The following GRM7 variants were observed in gnomAD, a reference collection of about 807,000 sequenced individuals.
GRM7 encodes the protein metabotropic glutamate receptor 7.
A neutral mutation model predicts 84.5 loss-of-function variants in GRM7; 35 were observed. The observed-to-expected ratio is 0.41, with a 90% CI of 0.32 to 0.55. The LOEUF is 0.55. Ranked by LOEUF, GRM7 falls within the 20% of genes least tolerant of loss-of-function variation. GRM7 has a pLI of 0.19. For missense variants in GRM7, 1,003 were observed against 1,194.6 expected (o/e 0.84, Z 2.36); for synonymous variants, 487 against 455.1 (o/e 1.07, Z -0.89).
At chr3:6,953,182 GTC>G (rs1174294500) in intron 1 of GRM7, among the ~76,000 whole-genome samples, 1 of 152,148 alleles carries the variant, frequency 6.6e-6, no homozygotes, top group Non-Finnish European at 1.5e-5. Flanking sequence ...TTCATCCCCT[GTC>G]TCTGTCATTT....
At chr3:7,556,841 C>A (rs1264534874) in intron 7 of GRM7, among the ~76,000 whole-genome samples, 3 of 151,992 alleles carry the variant, frequency 2.0e-5, no homozygotes, top group African/African-American at 7.2e-5. Context: ...GGAGGAGGAG[C>A]TAACTTGGGC....
intron 1 of GRM7, among the ~76,000 whole-genome samples, chr3:7,040,859 G>A (rs375834707): frequency 1.3e-5 from 2 of 151,798 alleles, no homozygotes; most frequent in African/African-American, 2.4e-5. Context: ...AAGGTCGGTG[G>A]ATCATTTGAG....
intron 8 of GRM7, among the ~76,000 whole-genome samples, chr3:7,582,908 T>C (rs1445767072): frequency 6.6e-6 from 1 of 152,198 alleles, no homozygotes; most frequent in Non-Finnish European, 1.5e-5. Context: ...TTTTCAAGTT[T>C]GCTGGAAAAA....
intron 2 of GRM7, among the ~76,000 whole-genome samples, chr3:7,199,135 G>A (rs1051455315): frequency 7.9e-5 from 12 of 152,262 alleles, no homozygotes; most frequent in South Asian, 2.1e-4. Context: ...GACTTGCTTT[G>A]ATTCATAGAA....
chr3:7,344,114 C>T (rs1692780028), intron 4 of GRM7, among the ~76,000 whole-genome samples: 1 of 151,340 alleles, frequency 6.6e-6, no homozygotes, highest in African/African-American at 2.4e-5. Context: ...CTTTTAAGTT[C>T]AGGGGTACAA....
chr3:7,609,632 A>G (rs1696754770), intron 8 of GRM7, among the ~76,000 whole-genome samples: 1 of 152,022 alleles, frequency 6.6e-6, no homozygotes, highest in African/African-American at 2.4e-5. Context: ...ATGAGATATA[A>G]ATGGAGTAAA....
chr3:7,481,719 A>G (rs1699136024), intron 7 of GRM7, among the ~76,000 whole-genome samples: 2 of 152,344 alleles, frequency 1.3e-5, no homozygotes, highest in South Asian at 2.1e-4. Flanking sequence ...ACTCTTGCCT[A>G]TTAATGTGGA....
intron 1 of GRM7, among the ~76,000 whole-genome samples, chr3:7,012,816 T>C (rs1695421738): frequency 6.6e-6 from 1 of 152,168 alleles, no homozygotes; most frequent in Non-Finnish European, 1.5e-5. Flanking sequence ...TCATAGCTTA[T>C]TGCAGCCTGG....
intron 1 of GRM7, among the ~76,000 whole-genome samples, chr3:7,007,466 G>C (rs1324409907): frequency 2.0e-5 from 3 of 152,136 alleles, no homozygotes; most frequent in Non-Finnish European, 1.5e-5. Flanking sequence ...AGAGATTTGG[G>C]AAGGCCTATT....
At chr3:7,636,940 C>T (rs932577793) in intron 8 of GRM7, among the ~76,000 whole-genome samples, 2 of 152,088 alleles carry the variant, frequency 1.3e-5, no homozygotes, top group Non-Finnish European at 2.9e-5. Context: ...ATTATTTCCT[C>T]AAAAAGCATA....
chr3:7,407,569 A>G (rs1166267506), intron 4 of GRM7, among the ~76,000 whole-genome samples: 1 of 152,238 alleles, frequency 6.6e-6, no homozygotes, highest in Admixed American at 6.5e-5. Flanking sequence ...GAAAATTTTA[A>G]AAATCATCTG....
chr3:6,960,910 CA>C (rs1693272704), intron 1 of GRM7, among the ~76,000 whole-genome samples: 1 of 152,302 alleles, frequency 6.6e-6, no homozygotes, highest in Non-Finnish European at 1.5e-5. Context: ...CACAGGCCAA[CA>C]AAATGTACTA....
rs145636751 is a variant in GRM7 at position 7,372,163 on chromosome 3, G to A, written c.1034-42860G>A. ...CTGGGCACTGTGGGAAGGAGCTCCT[G>A]CCAACTAGTTAAGAAATAACTAGGG... On this transcript the variant is annotated intron_variant, in intron 4 of 9. Coordinates refer to ENST00000357716, the MANE Select transcript of GRM7 (RefSeq NM_000844.4). Among the ~76,000 whole-genome samples, 135 of 152,242 alleles carry A rather than the reference G, an allele frequency of 8.9e-4. 5 individuals are homozygous for A. In the East Asian group the frequency reaches 0.023, roughly 26 times the overall value.
chr3:7,028,475 G>A (rs749164822), intron 1 of GRM7, among the ~76,000 whole-genome samples: 4 of 152,070 alleles, frequency 2.6e-5, no homozygotes, highest in Non-Finnish European at 5.9e-5. Flanking sequence ...AATAACCTTG[G>A]CTCAAAAACA....
intron 8 of GRM7, among the ~76,000 whole-genome samples, chr3:7,624,010 C>T (rs2125090505): frequency 6.6e-6 from 1 of 152,248 alleles, no homozygotes; most frequent in East Asian, 1.9e-4. Context: ...AATGGATGAA[C>T]ATCTGTGGCC....
intron 8 of GRM7, among the ~76,000 whole-genome samples, chr3:7,600,083 T>TATC (rs1325264576): frequency 3.3e-5 from 5 of 152,158 alleles, no homozygotes; most frequent in African/African-American, 1.2e-4. Flanking sequence ...ACACAATTGC[T>TATC]ATCTGCAGGA....
chr3:7,676,803 T>G (rs545835515), intron 8 of GRM7, among the ~76,000 whole-genome samples: 21 of 152,208 alleles, frequency 1.4e-4, no homozygotes, highest in Non-Finnish European at 2.6e-4. Context: ...GCTGTAAAGG[T>G]TTGTAGCCTA....
chr3:7,321,430 T>C (rs1381026348), intron 4 of GRM7, among the ~76,000 whole-genome samples: 2 of 152,054 alleles, frequency 1.3e-5, no homozygotes, highest in South Asian at 2.1e-4. Context: ...TCCCAAAAAG[T>C]AGTGTAATTA....
intron 1 of GRM7, among the ~76,000 whole-genome samples, chr3:7,120,188 A>G (rs1305574128): frequency 6.6e-6 from 1 of 152,100 alleles, no homozygotes; most frequent in Non-Finnish European, 1.5e-5. Context: ...AGTGACTGAA[A>G]TATTCATGTA....
Sources: gnomAD v4.1 joint callset for allele counts (sites outside exome capture counted in the v4.1 genomes callset) on GRCh38, gnomAD v4.1.1 for gene constraint, MANE v1.5 for transcripts, NCBI Gene and HGNC (gene_info 2026-07-23, HGNC 2026-07-21) for gene names.